DOCK2: variants seen among roughly 807,000 people sequenced by gnomAD.
DOCK2 encodes the protein dedicator of cytokinesis 2.
DOCK2 carries 87 observed loss-of-function variants against 248.9 expected under a neutral mutation model. The observed-to-expected ratio is 0.35, with a 90% CI of 0.29 to 0.42. The LOEUF is 0.42. Among genes scored for constraint, DOCK2 ranks in the 10% least tolerant of loss-of-function variants. DOCK2 has a pLI of 1.00. For synonymous variants in DOCK2, 805 were observed against 821.6 expected, an observed-to-expected ratio of 0.98 and a Z score of 0.35; for missense variants, 1,747 against 2,300.2, an observed-to-expected ratio of 0.76 and a Z score of 4.92.
intron 2 of DOCK2, among the ~76,000 whole-genome samples, chr5:169,658,979 GC>G (rs1561575330): frequency 7.4e-6 from 1 of 134,428 alleles, no homozygotes; most frequent in Non-Finnish European, 1.6e-5. Context: ...CTACAAGACT[GC>G]ATTATTATTA....
intron 3 of DOCK2, 112 bp downstream of exon 3, chr5:169,669,440 T>C: frequency 8.3e-7 from 1 of 1,206,420 alleles, no homozygotes; most frequent in East Asian, 2.3e-5. Flanking sequence ...GGAATCCATC[T>C]CTCCCTCCTG....
intron 27 of DOCK2, among the ~76,000 whole-genome samples, chr5:169,980,896 T>C (rs1777917298): frequency 6.6e-6 from 1 of 152,120 alleles, no homozygotes; most frequent in Non-Finnish European, 1.5e-5. Context: ...CAACAAAGCA[T>C]CATCAGCCAT....
chr5:169,680,246 G>A (rs1759585585), intron 6 of DOCK2, among the ~76,000 whole-genome samples: 1 of 152,172 alleles, frequency 6.6e-6, no homozygotes, highest in African/African-American at 2.4e-5. Flanking sequence ...GTTATTGATA[G>A]TACCTCCTTC....
intron 22 of DOCK2, among the ~76,000 whole-genome samples, chr5:169,739,898 GAAGA>G (rs1022506102): frequency 6.6e-6 from 1 of 152,218 alleles, no homozygotes; most frequent in African/African-American, 2.4e-5. Context: ...TGGAAGCAGG[GAAGA>G]AAGAAAGAGA....
At chr5:169,974,450 C>T (rs1777641895) in intron 27 of DOCK2, among the ~76,000 whole-genome samples, 1 of 152,204 alleles carries the variant, frequency 6.6e-6, no homozygotes, top group Admixed American at 6.5e-5. Flanking sequence ...AGCCTAGTAT[C>T]TAACATGTAT....
chr5:169,691,407 T>C (rs1311503200), intron 9 of DOCK2, among the ~76,000 whole-genome samples: 1 of 152,188 alleles, frequency 6.6e-6, no homozygotes, highest in Non-Finnish European at 1.5e-5. Context: ...TCACTTCTTA[T>C]ATCGATCCAA....
rs190559426 is a variant in DOCK2, at chr5:170,022,534, G to T, written c.3381+3426G>T. On this transcript the variant is annotated intron_variant, in intron 33 of 51. Coordinates refer to ENST00000520908, the MANE Select transcript of DOCK2 (RefSeq NM_004946.3). ...CTCGGGGGTCTCTGTCCATTGTCTA[G>T]GACTGGATGTCCCACCCCTGGTACA... Among the ~76,000 whole-genome samples the T allele has an allele frequency of 2.6e-5, 4 of 151,404 alleles. No individual in the cohort carries two copies. The East Asian group carries it at 5.9e-4, about 22-fold the overall frequency.
chr5:169,931,022 A>C (rs1049633825), intron 27 of DOCK2, among the ~76,000 whole-genome samples: 1 of 152,206 alleles, frequency 6.6e-6, no homozygotes, highest in African/African-American at 2.4e-5. Context: ...GGGAGTTTCT[A>C]AGCTAGGAAA....
At chr5:169,803,968 A>G (rs1326591600) in intron 26 of DOCK2, among the ~76,000 whole-genome samples, 1 of 152,190 alleles carries the variant, frequency 6.6e-6, no homozygotes, top group Non-Finnish European at 1.5e-5. Flanking sequence ...GTCCTTGAGT[A>G]ATGTCCAGGA....
At chr5:169,865,069 A>T (rs776002949) in intron 27 of DOCK2, among the ~76,000 whole-genome samples, 13 of 152,160 alleles carry the variant, frequency 8.5e-5, no homozygotes, top group Non-Finnish European at 1.9e-4. Context: ...TTGCATCTCA[A>T]CTTCAAGATA....
intron 41 of DOCK2, among the ~76,000 whole-genome samples, chr5:170,050,873 C>G (rs1396049232): frequency 6.6e-6 from 1 of 152,198 alleles, no homozygotes; most frequent in Non-Finnish European, 1.5e-5. Flanking sequence ...ATTGAATACT[C>G]TCAAGCCCTG....
chr5:169,803,018 A>T, intron 25 of DOCK2, 40 bp from the exon 26 acceptor site: 5 of 1,595,298 alleles, frequency 3.1e-6, no homozygotes, highest in Middle Eastern at 1.7e-4. Context: ...AAACTAAAAA[A>T]TGAGGAATTC....
chr5:169,693,302 G>C (rs1482212606), intron 9 of DOCK2, among the ~76,000 whole-genome samples: 1 of 152,128 alleles, frequency 6.6e-6, no homozygotes, highest in East Asian at 1.9e-4. Context: ...TGAGCATTGT[G>C]TGTTTATGGA....
intron 44 of DOCK2, among the ~76,000 whole-genome samples, chr5:170,063,264 T>G (rs1471958204): frequency 1.3e-5 from 2 of 152,174 alleles, no homozygotes; most frequent in African/African-American, 4.8e-5. Context: ...ATGCTATGCA[T>G]TGAATGTCCC....
At chr5:169,920,722 G>A (rs187817138) in intron 27 of DOCK2, among the ~76,000 whole-genome samples, 4 of 152,144 alleles carry the variant, frequency 2.6e-5, no homozygotes, top group African/African-American at 7.2e-5. Context: ...CCCGTCTCCC[G>A]TCTCTGCAGA....
intron 1 of DOCK2, among the ~76,000 whole-genome samples, chr5:169,651,677 T>A (rs1757812719): frequency 6.6e-6 from 1 of 152,084 alleles, no homozygotes. Flanking sequence ...GTCTACCCAG[T>A]GAGGACACCA....
At chr5:170,007,376 C>T (rs1466181081) in intron 30 of DOCK2, among the ~76,000 whole-genome samples, 7 of 152,182 alleles carry the variant, frequency 4.6e-5, no homozygotes, top group Admixed American at 4.6e-4. Flanking sequence ...AAACCCTAGG[C>T]TGTATCACTG....
chr5:169,970,012 G>A (rs749446024), intron 27 of DOCK2, among the ~76,000 whole-genome samples: 1 of 152,216 alleles, frequency 6.6e-6, no homozygotes, highest in Non-Finnish European at 1.5e-5. Flanking sequence ...GCTATGTGAG[G>A]CCTACAGGCT....
In DOCK2 at chr5:169,797,694, G is replaced by C. The variant is rs548430462; in HGVS notation, c.2555-5364G>C. On this transcript the variant is annotated intron_variant, in intron 25 of 51. Transcript: ENST00000520908. ...GTCTCCCAGCCTTTGTCAGACATTG[G>C]ATACCTAAGGCAGGAACCCAGCCTG... Among the ~76,000 whole-genome samples, 67 of 151,808 alleles carry C rather than the reference G, an allele frequency of 4.4e-4. 1 individual carries two copies. The highest frequency in any genetic ancestry group is 1.6e-3 in the African/African-American group (66 of 41,534).
Sources: allele counts gnomAD v4.1 joint callset (sites outside exome capture counted in the v4.1 genomes callset), GRCh38; gene constraint gnomAD v4.1.1; transcripts MANE v1.5; gene names NCBI Gene and HGNC (gene_info 2026-07-23, HGNC 2026-07-21).